Variants in CLMP observed in about 807,000 individuals in gnomAD.
CLMP encodes CXADR-like membrane protein.
CLMP carries 27 observed loss-of-function variants against 45.2 expected under a neutral mutation model. The observed-to-expected ratio is 0.60, with a 90% CI of 0.44 to 0.82. The LOEUF (loss-of-function observed/expected upper bound fraction) is 0.82. Among genes scored for constraint, CLMP ranks in the 40% least tolerant of loss-of-function variants. The probability of loss-of-function intolerance (pLI) is 0.00; values close to 1 mark genes in which losing one functional copy is unlikely to be tolerated. For missense variants in CLMP, 403 were observed against 448.4 expected, an observed-to-expected ratio of 0.90 and a Z score of 0.91; for synonymous variants, 167 against 171.4, an observed-to-expected ratio of 0.97 and a Z score of 0.20.
chr11:123,145,058 T>A (rs1861217326), intron 1 of CLMP, among the ~76,000 whole-genome samples: 1 of 152,186 alleles, frequency 6.6e-6, no homozygotes, highest in Non-Finnish European at 1.5e-5. Flanking sequence ...AAAAAGAGTG[T>A]AAAAAATCTT....
intron 1 of CLMP, among the ~76,000 whole-genome samples, chr11:123,154,263 C>T (rs1565398761): frequency 6.6e-6 from 1 of 152,156 alleles, no homozygotes; most frequent in African/African-American, 2.4e-5. Flanking sequence ...GACTCTTACT[C>T]GTCAATGAGA....
intron 1 of CLMP, chr11:123,191,359 G>A (rs1861905066): frequency 6.6e-6 from 1 of 152,154 alleles, no homozygotes; most frequent in Non-Finnish European, 1.5e-5. Context: ...CACCATTAAA[G>A]TGGGAAGATA....
In CLMP at chr11:123,084,547, C is replaced by T. The variant is rs748967980; in HGVS notation, c.353G>A (p.Arg118His). 44 of 1,614,000 alleles carry T rather than the reference C, an allele frequency of 2.7e-5. No homozygotes were observed. The Middle Eastern group carries it at 4.9e-4, about 18-fold the overall frequency. Residue 118 changes from arginine (R) to histidine (H), a missense_variant, in exon 3 of 7, where the codon CGC becomes CAC. Physicochemically the swap from Arg to His is conservative, Grantham distance 29. Coordinates refer to ENST00000448775, the MANE Select transcript of CLMP (RefSeq NM_024769.5). ...RYTCKVKNSG[R>H]YVWSHVILKV... ...TAAGATGACATGGCTCCACACGTAG[C>T]GCCCTGAATTCTTAACCTTACAGGT...
chr11:123,186,327 T>C (rs1353915723), intron 1 of CLMP, among the ~76,000 whole-genome samples: 1 of 152,128 alleles, frequency 6.6e-6, no homozygotes, highest in Non-Finnish European at 1.5e-5. Context: ...CAACCAGTTA[T>C]AAGCCCAGGC....
chr11:123,135,945 C>G (rs1861064855), intron 1 of CLMP: 1 of 553,306 alleles, frequency 1.8e-6, no homozygotes, highest in South Asian at 1.4e-5. Flanking sequence ...GAGCAAAAAG[C>G]CTCCCACAAA....
intron 1 of CLMP, among the ~76,000 whole-genome samples, chr11:123,102,184 TA>T (rs796351533): frequency 1.4e-3 from 201 of 139,610 alleles, no homozygotes; most frequent in Admixed American, 1.7e-3. Flanking sequence ...ACCCTGTCTC[TA>T]AAAAAAAAAA....
chr11:123,150,484 G>GAAAGAAGAAAGA, intron 1 of CLMP, among the ~76,000 whole-genome samples: 1 of 33,130 alleles, frequency 3.0e-5, no homozygotes, highest in East Asian at 1.1e-3. Flanking sequence ...AGAAAGAAAG[G>GAAAGAAGAAAGA]AAGGAAGGAA....
chr11:123,165,877 G>T (rs12279667), intron 1 of CLMP, among the ~76,000 whole-genome samples: 2,114 of 152,248 alleles, frequency 0.014, 46 homozygotes, highest in African/African-American at 0.048. Flanking sequence ...ATGTAGAGAG[G>T]CCGGCCTTCC....
chr11:123,187,371 G>A (rs1591491065), intron 1 of CLMP, among the ~76,000 whole-genome samples: 1 of 152,212 alleles, frequency 6.6e-6, no homozygotes, highest in East Asian at 1.9e-4. Context: ...ACAGAGGTTG[G>A]GTTAGAAGGC....
At chr11:123,189,457 A>G (rs1204420897) in intron 1 of CLMP, among the ~76,000 whole-genome samples, 1 of 152,180 alleles carries the variant, frequency 6.6e-6, no homozygotes, top group Non-Finnish European at 1.5e-5. Context: ...CTTACTCTCA[A>G]AGAGTGATTT....
intron 1 of CLMP, among the ~76,000 whole-genome samples, chr11:123,106,354 C>T (rs1860549293): frequency 6.6e-6 from 1 of 151,778 alleles, no homozygotes; most frequent in South Asian, 2.1e-4. Flanking sequence ...TTTCCCTTCA[C>T]CCCAGCTACA....
intron 5 of CLMP, among the ~76,000 whole-genome samples, chr11:123,080,992 A>G (rs1456540093): frequency 6.6e-6 from 1 of 151,990 alleles, no homozygotes; most frequent in East Asian, 1.9e-4. Context: ...CTAAAAATAC[A>G]AGAATTAGCC....
intron 1 of CLMP, among the ~76,000 whole-genome samples, chr11:123,192,481 G>A (rs1861920641): frequency 6.6e-6 from 1 of 152,174 alleles, no homozygotes; most frequent in African/African-American, 2.4e-5. Flanking sequence ...TGTGCAGGAT[G>A]GAGGAGAGAG....
At chr11:123,136,874 G>A (rs7937767) in intron 1 of CLMP, among the ~76,000 whole-genome samples, 52,663 of 151,680 alleles carry the variant, frequency 0.35, 9,931 homozygotes, top group African/African-American at 0.49. Flanking sequence ...TGTCACCTTT[G>A]ATTTTCTGAA....
intron 1 of CLMP, among the ~76,000 whole-genome samples, chr11:123,187,670 T>C (rs891898975): frequency 4.6e-5 from 7 of 151,372 alleles, no homozygotes; most frequent in Non-Finnish European, 7.4e-5. Flanking sequence ...AATTCACAGA[T>C]ACATTTTTTT....
At chr11:123,074,961 T>G in intron 5 of CLMP, 118 bp from the exon 6 acceptor site, 3 of 1,099,924 alleles carry the variant, frequency 2.7e-6, no homozygotes, top group Non-Finnish European at 3.6e-6. Context: ...TTTGTTTTGT[T>G]TTTTTTTTTT....
intron 5 of CLMP, among the ~76,000 whole-genome samples, chr11:123,080,615 C>T (rs1418396288): frequency 6.6e-6 from 1 of 152,166 alleles, no homozygotes; most frequent in Non-Finnish European, 1.5e-5. Context: ...GTGTGAGCCA[C>T]TGCGCCTCGA....
intron 1 of CLMP, among the ~76,000 whole-genome samples, chr11:123,137,756 G>T (rs889579296): frequency 3.9e-5 from 6 of 152,096 alleles, no homozygotes; most frequent in African/African-American, 1.4e-4. Context: ...TCAGTTGGGC[G>T]CCCCGAAGCT....
rs1359696870 is a variant in CLMP at position 123,081,575 on chromosome 11, G to GA, written c.679+1509dup. On this transcript the variant is annotated intron_variant, in intron 5 of 6. Coordinates refer to ENST00000448775, the MANE Select transcript of CLMP (RefSeq NM_024769.5). ...AATGTGTTCATTTACTAACTTTTCA[G>GA]AAAAACTCTAAGAGGCCAGGTGGCG... Among the ~76,000 whole-genome samples, 8 of 152,264 alleles carry GA rather than the reference G, an allele frequency of 5.3e-5. No individual in the cohort carries two copies. In the East Asian group the frequency reaches 1.5e-3, roughly 29 times the overall value.
Sources: allele counts gnomAD v4.1 joint callset (sites outside exome capture counted in the v4.1 genomes callset), GRCh38; gene constraint gnomAD v4.1.1; transcripts MANE v1.5; gene names NCBI Gene and HGNC (gene_info 2026-07-23, HGNC 2026-07-21).